Variants in FAM168A observed in about 807,000 individuals in gnomAD.
FAM168A encodes protein FAM168A.
A neutral mutation model predicts 28.5 loss-of-function variants in FAM168A; 3 were observed. That is an observed-to-expected ratio of 0.11 (90% CI 0.05 to 0.27). FAM168A has a LOEUF of 0.27. Ranked by LOEUF, FAM168A falls within the 10% of genes least tolerant of loss-of-function variation. The pLI is 1.00. For missense variants in FAM168A, 222 were observed against 311.5 expected (o/e 0.71, Z 2.16); for synonymous variants, 122 against 124.2 (o/e 0.98, Z 0.12).
chr11:73,541,273 C>T (rs186242879), intron 1 of FAM168A, among the ~76,000 whole-genome samples: 3,283 of 149,676 alleles, frequency 0.022, 39 homozygotes, highest in African/African-American at 0.033. Flanking sequence ...AAGGTAGTTG[C>T]TATATAATAG....
intron 1 of FAM168A, among the ~76,000 whole-genome samples, chr11:73,488,428 G>C (rs913857311): frequency 2.6e-5 from 4 of 152,132 alleles, no homozygotes; most frequent in African/African-American, 9.7e-5. Context: ...ACTGTGCCCA[G>C]CCTCATGTCG....
intron 1 of FAM168A, among the ~76,000 whole-genome samples, chr11:73,494,776 G>GAT (rs879482458): frequency 2.6e-5 from 4 of 152,176 alleles, no homozygotes; most frequent in African/African-American, 4.8e-5. Flanking sequence ...GAGGAGGGCG[G>GAT]ATTACTTGAA....
chr11:73,592,005 A>T (rs986136541), intron 1 of FAM168A, among the ~76,000 whole-genome samples: 1 of 152,262 alleles, frequency 6.6e-6, no homozygotes, highest in Non-Finnish European at 1.5e-5. Context: ...TAAAATACTT[A>T]GAAAAATTAT....
chr11:73,455,701 G>C (rs76255387), intron 2 of FAM168A, among the ~76,000 whole-genome samples: 1,983 of 152,270 alleles, frequency 0.013, 51 homozygotes, highest in African/African-American at 0.045. Flanking sequence ...AAAGAACAGA[G>C]TATATAACAA....
rs146122180 is a variant in FAM168A at position 73,499,564 on chromosome 11, T to C, written c.-18-31072A>G. Among the ~76,000 whole-genome samples the C allele has an allele frequency of 2.8e-3, 425 of 151,964 alleles. 1 individual carries two copies. The highest frequency in any genetic ancestry group is 4.3e-3 in the Non-Finnish European group (295 of 67,956). The stretch of plus-strand genomic sequence containing the variant: ...GAAGTAGGCTTCAGAAGATGGGTAA[T>C]AAAAAACTATGATGATCAAAAGGAA... On this transcript the variant is annotated intron_variant, in intron 1 of 7. Transcript: ENST00000356467.
chr11:73,409,405 G>A, intron 6 of FAM168A, 82 bp downstream of exon 6: 1 of 1,563,076 alleles, frequency 6.4e-7, no homozygotes, highest in South Asian at 1.1e-5. Context: ...CTGTGCTGCA[G>A]CCAATTCTAT....
intron 1 of FAM168A, among the ~76,000 whole-genome samples, chr11:73,518,783 G>C (rs1490216223): frequency 2.0e-5 from 3 of 152,120 alleles, no homozygotes; most frequent in East Asian, 3.8e-4. Context: ...TGTAGTCCCA[G>C]ATACTCAGGA....
intron 1 of FAM168A, among the ~76,000 whole-genome samples, chr11:73,555,337 A>G (rs1943877100): frequency 6.6e-6 from 1 of 152,154 alleles, no homozygotes; most frequent in Non-Finnish European, 1.5e-5. Flanking sequence ...TATAATAAAG[A>G]TAAGTGATGG....
At chr11:73,569,954 G>A (rs2134717844) in intron 1 of FAM168A, among the ~76,000 whole-genome samples, 1 of 152,270 alleles carries the variant, frequency 6.6e-6, no homozygotes, top group East Asian at 1.9e-4. Flanking sequence ...GGATGGTGGG[G>A]TCCAGATTCT....
At chr11:73,414,802 A>G (rs1394436338) in intron 4 of FAM168A, among the ~76,000 whole-genome samples, 1 of 152,252 alleles carries the variant, frequency 6.6e-6, no homozygotes, top group Non-Finnish European at 1.5e-5. Flanking sequence ...AAGCTAATCT[A>G]TGACTACTAT....
At chr11:73,544,947 A>ATTT (rs1943716804) in intron 1 of FAM168A, among the ~76,000 whole-genome samples, 2 of 91,626 alleles carry the variant, frequency 2.2e-5, no homozygotes, top group African/African-American at 1.1e-4. Flanking sequence ...TATGTAATAT[A>ATTT]TAATATATTA....
chr11:73,510,778 A>G, intron 1 of FAM168A: 1 of 377,132 alleles, frequency 2.7e-6, no homozygotes, highest in Non-Finnish European at 4.7e-6. Context: ...CCTAGGGTTT[A>G]TTGTGTGAGC....
intron 1 of FAM168A, among the ~76,000 whole-genome samples, chr11:73,481,482 C>T (rs1029148739): frequency 2.0e-5 from 3 of 151,618 alleles, no homozygotes; most frequent in Non-Finnish European, 4.4e-5. Flanking sequence ...AAATGGATTG[C>T]TGCAGACAGA....
chr11:73,586,592 G>A (rs377574694), intron 1 of FAM168A, among the ~76,000 whole-genome samples: 5 of 152,172 alleles, frequency 3.3e-5, no homozygotes, highest in South Asian at 4.1e-4. Flanking sequence ...CTATACAGGG[G>A]TGTTAACTGG....
chr11:73,460,546 C>G (rs1867628187), intron 2 of FAM168A, among the ~76,000 whole-genome samples: 1 of 149,014 alleles, frequency 6.7e-6, no homozygotes, highest in South Asian at 2.1e-4. Flanking sequence ...CTCTATTGCC[C>G]AGGCTGGAGT....
At chr11:73,518,255 C>T (rs1409368854) in intron 1 of FAM168A, among the ~76,000 whole-genome samples, 2 of 152,054 alleles carry the variant, frequency 1.3e-5, no homozygotes, top group African/African-American at 4.8e-5. Context: ...TCTCTTGCAA[C>T]AGATTGTATT....
At chr11:73,527,018 T>G (rs948459312) in intron 1 of FAM168A, among the ~76,000 whole-genome samples, 1 of 152,088 alleles carries the variant, frequency 6.6e-6, no homozygotes, top group Non-Finnish European at 1.5e-5. Flanking sequence ...CACAAATATT[T>G]TTTACTGGCC....
At chr11:73,474,154 T>C (rs1424620496) in intron 1 of FAM168A, among the ~76,000 whole-genome samples, 1 of 152,058 alleles carries the variant, frequency 6.6e-6, no homozygotes, top group Non-Finnish European at 1.5e-5. Flanking sequence ...TGTGATGCTA[T>C]AACAGAATAG....
At chr11:73,567,521 C>T (rs1944034220) in intron 1 of FAM168A, among the ~76,000 whole-genome samples, 1 of 152,164 alleles carries the variant, frequency 6.6e-6, no homozygotes, top group Non-Finnish European at 1.5e-5. Flanking sequence ...ACCTATGACT[C>T]TGTGGAAGAA....
Sources: allele counts gnomAD v4.1 joint callset (sites outside exome capture counted in the v4.1 genomes callset), GRCh38; gene constraint gnomAD v4.1.1; transcripts MANE v1.5; gene names NCBI Gene and HGNC (gene_info 2026-07-23, HGNC 2026-07-21).